SRBD1: variants seen among roughly 807,000 people sequenced by gnomAD.
SRBD1 encodes the protein S1 RNA binding domain 1.
A neutral mutation model predicts 115.3 loss-of-function variants in SRBD1; 88 were observed. That is an observed-to-expected ratio of 0.76 (90% CI 0.64 to 0.91). The LOEUF is 0.91. Among genes scored for constraint, SRBD1 ranks in the 40% least tolerant of loss-of-function variants. The probability of loss-of-function intolerance (pLI) is 0.00; values close to 1 mark genes in which losing one functional copy is unlikely to be tolerated. For synonymous variants in SRBD1, 509 were observed against 407.7 expected, an observed-to-expected ratio of 1.25 and a Z score of -2.99; for missense variants, 1,385 against 1,177.4, an observed-to-expected ratio of 1.18 and a Z score of -2.58.
intron 15 of SRBD1, among the ~76,000 whole-genome samples, chr2:45,485,327 T>C (rs569348464): frequency 2.6e-5 from 4 of 152,364 alleles, no homozygotes; most frequent in Middle Eastern, 6.8e-3. Context: ...AGGTGACTTA[T>C]TGCTCATCTA....
Position 45,538,084 on chromosome 2 carries a change from G to A in SRBD1, c.1874+8648C>T, listed in dbSNP as rs1024428161. On this transcript the variant is annotated intron_variant, in intron 14 of 20. Transcript: ENST00000263736. ...CAAGAGGACTGAGCAGCGAAGTAACGCAGATGAGAATGGCTGGTCTGAAGC... is the reference window on the plus strand; with the variant it reads ...CAAGAGGACTGAGCAGCGAAGTAACACAGATGAGAATGGCTGGTCTGAAGC... Among the ~76,000 whole-genome samples, 7 of 152,292 alleles carry A rather than the reference G, an allele frequency of 4.6e-5. No homozygotes were observed. The South Asian group carries it at 1.5e-3, about 32-fold the overall frequency.
intron 4 of SRBD1, among the ~76,000 whole-genome samples, chr2:45,591,361 G>A (rs1673718773): frequency 6.6e-6 from 1 of 152,058 alleles, no homozygotes; most frequent in Non-Finnish European, 1.5e-5. Flanking sequence ...TGACTCACTG[G>A]CCCCCTACCT....
intron 16 of SRBD1, among the ~76,000 whole-genome samples, chr2:45,461,803 T>C (rs531990673): frequency 2.0e-5 from 3 of 152,316 alleles, no homozygotes; most frequent in African/African-American, 4.8e-5. Flanking sequence ...CAGATAGTTA[T>C]CGTCATTCAT....
intron 14 of SRBD1, among the ~76,000 whole-genome samples, chr2:45,490,761 C>T (rs897564845): frequency 1.3e-5 from 2 of 152,054 alleles, no homozygotes; most frequent in East Asian, 1.9e-4. Context: ...AAGAAAAACA[C>T]TCAGATAATA....
At chr2:45,536,353 G>C (rs567153844) in intron 14 of SRBD1, among the ~76,000 whole-genome samples, 85 of 151,660 alleles carry the variant, frequency 5.6e-4, no homozygotes, top group Non-Finnish European at 8.4e-4. Context: ...ATACTTGATA[G>C]AATACTTAAG....
At chr2:45,536,303 G>C (rs1477322497) in intron 14 of SRBD1, among the ~76,000 whole-genome samples, 2 of 151,604 alleles carry the variant, frequency 1.3e-5, no homozygotes, top group East Asian at 3.9e-4. Context: ...ATTCATACAA[G>C]AAAGGTTCCT....
At chr2:45,546,621 T>A in intron 14 of SRBD1, 111 bp downstream of exon 14, 1 of 1,061,272 alleles carries the variant, frequency 9.4e-7, no homozygotes, top group Non-Finnish European at 1.4e-6. Flanking sequence ...AGAGGTGGTC[T>A]GGAGGGCAAA....
intron 16 of SRBD1, among the ~76,000 whole-genome samples, chr2:45,422,582 T>C (rs1385211295): frequency 1.3e-5 from 2 of 152,184 alleles, no homozygotes; most frequent in African/African-American, 2.4e-5. Flanking sequence ...ATTGAGACTA[T>C]CATGTGAGAG....
At chr2:45,571,238 G>GT (rs990660613) in intron 9 of SRBD1, among the ~76,000 whole-genome samples, 2 of 151,924 alleles carry the variant, frequency 1.3e-5, no homozygotes, top group African/African-American at 4.8e-5. Flanking sequence ...GAGAGTTTGG[G>GT]TTTTTTTCTT....
At chr2:45,405,488 G>C (rs188950600) in intron 19 of SRBD1, among the ~76,000 whole-genome samples, 194 of 152,264 alleles carry the variant, frequency 1.3e-3, no homozygotes, top group African/African-American at 4.5e-3. Flanking sequence ...AAATGGAAAG[G>C]TTGGGCTAGA....
intron 14 of SRBD1, among the ~76,000 whole-genome samples, chr2:45,492,357 G>GTTA (rs1367935556): frequency 2.0e-5 from 3 of 152,148 alleles, no homozygotes; most frequent in Non-Finnish European, 2.9e-5. Context: ...CATAAGGAAT[G>GTTA]TTATTATCAT....
intron 14 of SRBD1, among the ~76,000 whole-genome samples, chr2:45,543,255 C>T (rs748573): frequency 6.6e-6 from 1 of 152,026 alleles, no homozygotes; most frequent in South Asian, 2.1e-4. Flanking sequence ...AGAATTTGCA[C>T]CTTTGGATGA....
intron 1 of SRBD1, among the ~76,000 whole-genome samples, chr2:45,607,031 T>G (rs142933339): frequency 1.3e-5 from 2 of 152,158 alleles, no homozygotes; most frequent in African/African-American, 4.8e-5. Flanking sequence ...TTGGGCAAAA[T>G]AGTGCTCAGA....
chr2:45,415,723 GGAGAGGAGAGGAGAC>G lies in SRBD1; in HGVS notation c.2334-2445_2334-2431del, dbSNP rs1558565019. Among the ~76,000 whole-genome samples, 78 of 15,248 alleles carry G rather than the reference GGAGAGGAGAGGAGAC, an allele frequency of 5.1e-3. 5 individuals carry two copies. Among genetic ancestry groups the G allele is most frequent in the African/African-American group, 0.023 (64 of 2,818 alleles). The allele number at this position is 15,248 out of a possible 152,430, so 10.0% of individuals were successfully genotyped here. ...GGAGAGGAGAGGAGAGGAGAGGAGA[GGAGAGGAGAGGAGAC>G]GAGAGGAGACGAGAGGAGAGGAGAG... On this transcript the variant is annotated intron_variant, in intron 18 of 20. Coordinates refer to ENST00000263736, the MANE Select transcript of SRBD1 (RefSeq NM_018079.5).
chr2:45,489,920 C>T (rs936414863), intron 14 of SRBD1, among the ~76,000 whole-genome samples: 1 of 152,116 alleles, frequency 6.6e-6, no homozygotes, highest in Non-Finnish European at 1.5e-5. Flanking sequence ...CTTTCTCAAA[C>T]AAAAGATCTA....
chr2:45,532,581 C>T (rs1485795167), intron 14 of SRBD1, among the ~76,000 whole-genome samples: 1 of 151,674 alleles, frequency 6.6e-6, no homozygotes, highest in African/African-American at 2.4e-5. Flanking sequence ...ATCTTTAATC[C>T]CCCATGCCCT....
chr2:45,442,256 A>T (rs983794825), intron 16 of SRBD1, among the ~76,000 whole-genome samples: 1 of 152,232 alleles, frequency 6.6e-6, no homozygotes, highest in African/African-American at 2.4e-5. Flanking sequence ...ACATGGTCAG[A>T]AACCAATTAA....
chr2:45,417,382 C>T (rs998723559), intron 18 of SRBD1, among the ~76,000 whole-genome samples: 1 of 152,140 alleles, frequency 6.6e-6, no homozygotes, highest in African/African-American at 2.4e-5. Context: ...TGAAATGTCA[C>T]CTTTACCACA....
intron 19 of SRBD1, among the ~76,000 whole-genome samples, chr2:45,394,801 A>C (rs970001555): frequency 6.6e-6 from 1 of 152,226 alleles, no homozygotes; most frequent in Non-Finnish European, 1.5e-5. Flanking sequence ...TATCCGACTA[A>C]TTCTCTTGAG....
Sources: gnomAD v4.1 joint callset for allele counts (sites outside exome capture counted in the v4.1 genomes callset) on GRCh38, gnomAD v4.1.1 for gene constraint, MANE v1.5 for transcripts, NCBI Gene and HGNC (gene_info 2026-07-23, HGNC 2026-07-21) for gene names.